Variants in EVA1C observed in about 807,000 individuals in gnomAD.
EVA1C encodes the protein protein eva-1 homolog C.
In EVA1C, 25 loss-of-function variants were observed where a neutral mutation model predicts 45.4. The observed-to-expected ratio is 0.55, with a 90% CI of 0.40 to 0.77. The LOEUF is 0.77. Ranked by LOEUF, EVA1C falls within the 30% of genes least tolerant of loss-of-function variation. The probability of loss-of-function intolerance (pLI) is 0.00; values close to 1 mark genes in which losing one functional copy is unlikely to be tolerated. For missense variants in EVA1C, 479 were observed against 554.8 expected (o/e 0.86, Z 1.37); for synonymous variants, 190 against 221.2 (o/e 0.86, Z 1.25).
intron 7 of EVA1C, among the ~76,000 whole-genome samples, chr21:32,509,170 C>T (rs1379663158): frequency 1.3e-5 from 2 of 152,220 alleles, no homozygotes; most frequent in East Asian, 3.8e-4. Context: ...TTGGCTACAA[C>T]AAGAGGGGTT....
chr21:32,448,944 G>GAA (rs1431415848), intron 1 of EVA1C, among the ~76,000 whole-genome samples: 3 of 54,656 alleles, frequency 5.5e-5, no homozygotes, highest in African/African-American at 3.1e-4. Flanking sequence ...GAGAGAAAGA[G>GAA]AGAAAGAAAG....
intron 1 of EVA1C, among the ~76,000 whole-genome samples, chr21:32,414,441 C>T (rs181340890): frequency 6.6e-6 from 1 of 152,158 alleles, no homozygotes; most frequent in East Asian, 1.9e-4. Context: ...ACTGACAAGC[C>T]TTTTTGTGTT....
chr21:32,420,263 G>T (rs921665758), intron 1 of EVA1C, among the ~76,000 whole-genome samples: 1 of 152,214 alleles, frequency 6.6e-6, no homozygotes, highest in Middle Eastern at 3.2e-3. Flanking sequence ...CCAGCCACTC[G>T]GGAGGCTGAG....
At chr21:32,432,558 G>A (rs912377728) in intron 1 of EVA1C, among the ~76,000 whole-genome samples, 1 of 152,136 alleles carries the variant, frequency 6.6e-6, no homozygotes, top group African/African-American at 2.4e-5. Context: ...AGGGGCATGG[G>A]AGAGTCAGAG....
intron 7 of EVA1C, among the ~76,000 whole-genome samples, chr21:32,504,572 T>C (rs1396141445): frequency 1.3e-5 from 2 of 152,172 alleles, no homozygotes; most frequent in Non-Finnish European, 2.9e-5. Flanking sequence ...GACCTCTTCA[T>C]TGAGGGGAAG....
At chr21:32,504,681 A>C (rs1272411758) in intron 7 of EVA1C, among the ~76,000 whole-genome samples, 1 of 152,248 alleles carries the variant, frequency 6.6e-6, no homozygotes, top group African/African-American at 2.4e-5. Context: ...GCCTATGTTC[A>C]GAGAGACAAA....
intron 1 of EVA1C, among the ~76,000 whole-genome samples, chr21:32,449,009 T>G (rs1328932876): frequency 7.5e-4 from 69 of 92,534 alleles, no homozygotes; most frequent in East Asian, 1.2e-3. Context: ...GGAGGGAGGG[T>G]GGGAAGGAAG....
At chr21:32,502,030 TTCTTTCTTTCTTTC>T (rs2037564246) in intron 6 of EVA1C, among the ~76,000 whole-genome samples, 1 of 133,194 alleles carries the variant, frequency 7.5e-6, no homozygotes, top group Non-Finnish European at 1.6e-5. Flanking sequence ...CTTTCTTTCT[TTCTTTCTTTCTTTC>T]TTTCTTTCTT....
At chr21:32,466,970 C>G (rs533271549) in intron 3 of EVA1C, among the ~76,000 whole-genome samples, 8 of 152,092 alleles carry the variant, frequency 5.3e-5, no homozygotes, top group African/African-American at 1.4e-4. Context: ...CGGCCTCTTT[C>G]TTGTCTTTTA....
At chr21:32,504,389 A>T (rs776021881) in intron 7 of EVA1C, among the ~76,000 whole-genome samples, 1 of 152,248 alleles carries the variant, frequency 6.6e-6, no homozygotes, top group Non-Finnish European at 1.5e-5. Context: ...GTCACTTAGT[A>T]AACAAGACAG....
chr21:32,465,359 C>T (rs924164318), intron 3 of EVA1C, among the ~76,000 whole-genome samples: 2 of 152,100 alleles, frequency 1.3e-5, no homozygotes, highest in African/African-American at 4.8e-5. Context: ...ACAGTCTTCC[C>T]ACCCACCCCA....
rs7282197 is a variant in EVA1C, at chr21:32,438,457, A to G, written c.161-14855A>G. Among the ~76,000 whole-genome samples the G allele has an allele frequency of 3.6e-4, 48 of 135,172 alleles. 1 individual carries two copies. The highest frequency in any genetic ancestry group is 1.3e-3 in the African/African-American group (47 of 35,698). The allele number at this position is 135,172 out of a possible 152,430, so 88.7% of individuals were successfully genotyped here. A position where few individuals can be genotyped will look rare whatever the true frequency, so the allele number is the denominator to read the frequency against. On this transcript the variant is annotated intron_variant, in intron 1 of 7. Coordinates refer to ENST00000300255, the MANE Select transcript of EVA1C (RefSeq NM_058187.5). ...GGTTGCAATCATGCCACTGCACTCC[A>G]GCCTGGGTGACAGAGTGAGACTCTG... is the stretch of plus-strand genomic sequence containing the variant.
At chr21:32,454,451 A>G (rs531803058) in intron 2 of EVA1C, among the ~76,000 whole-genome samples, 58 of 152,222 alleles carry the variant, frequency 3.8e-4, no homozygotes, top group Middle Eastern at 6.8e-3. Context: ...TTAGGGAAAG[A>G]TTTGGTATAG....
chr21:32,462,708 G>GA (rs1245420842), intron 3 of EVA1C, among the ~76,000 whole-genome samples: 5 of 152,242 alleles, frequency 3.3e-5, no homozygotes, highest in African/African-American at 1.2e-4. Context: ...ACCCAGAGTG[G>GA]AAAACCACTT....
intron 3 of EVA1C, among the ~76,000 whole-genome samples, chr21:32,458,874 C>T (rs115260157): frequency 1.1e-3 from 166 of 152,158 alleles, no homozygotes; most frequent in African/African-American, 3.8e-3. Flanking sequence ...CCTGGTTCCC[C>T]GAGACCCTGG....
intron 1 of EVA1C, among the ~76,000 whole-genome samples, chr21:32,444,773 C>T (rs1415606868): frequency 3.3e-5 from 5 of 152,164 alleles, no homozygotes. Context: ...GACCAGTCCC[C>T]ATCCTGAAGC....
chr21:32,494,956 G>C, intron 4 of EVA1C, 71 bp from the exon 5 acceptor site: 1 of 1,432,664 alleles, frequency 7.0e-7, no homozygotes, highest in East Asian at 2.3e-5. Context: ...TATTTACAGA[G>C]AATGCTGTAG....
intron 5 of EVA1C, among the ~76,000 whole-genome samples, chr21:32,498,081 C>T (rs1352981593): frequency 6.6e-6 from 1 of 152,176 alleles, no homozygotes; most frequent in Non-Finnish European, 1.5e-5. Flanking sequence ...AGCTTTTCTT[C>T]CTTCTGTCAC....
intron 6 of EVA1C, among the ~76,000 whole-genome samples, chr21:32,501,937 TCCTC>T (rs921673709): frequency 6.6e-6 from 1 of 151,206 alleles, no homozygotes; most frequent in South Asian, 2.1e-4. Flanking sequence ...CTTCCTTCCT[TCCTC>T]CCTCCCTTCC....
Sources: allele counts gnomAD v4.1 joint callset (sites outside exome capture counted in the v4.1 genomes callset), GRCh38; gene constraint gnomAD v4.1.1; transcripts MANE v1.5; gene names NCBI Gene and HGNC (gene_info 2026-07-23, HGNC 2026-07-21).